The following PDHB variants were observed in gnomAD, a reference collection of about 807,000 sequenced individuals.
PDHB encodes pyruvate dehydrogenase E1 component subunit beta, mitochondrial.
A neutral mutation model predicts 42.8 loss-of-function variants in PDHB; 17 were observed. The observed-to-expected ratio is 0.40, with a 90% CI of 0.27 to 0.60. PDHB has a LOEUF of 0.60. Ranked by LOEUF, PDHB falls within the 20% of genes least tolerant of loss-of-function variation. The probability of loss-of-function intolerance (pLI) is 0.46; values close to 1 mark genes in which losing one functional copy is unlikely to be tolerated. For synonymous variants in PDHB, 154 were observed against 148.7 expected, an observed-to-expected ratio of 1.04 and a Z score of -0.26; for missense variants, 322 against 451.3, an observed-to-expected ratio of 0.71 and a Z score of 2.60.
rs143765288 is a variant in PDHB, at chr3:58,430,739, G to A, written c.507C>T (p.Cys169=). The change falls in exon 6 of 10, where the codon TGC becomes TGT. Residue 169 remains cysteine (C), a synonymous_variant. Coordinates refer to ENST00000302746, the MANE Select transcript of PDHB (RefSeq NM_000925.4). ...SQCFAAWYGH[C]PGLKVVSPWN... is the part of the protein sequence containing the mutation. ...AGGGACTGACCACCTTTAAGCCTGG[G>A]CAGTGCCCATACCAGGCAGCAAAGC... 5.2e-5 allele frequency: 84 copies of A among 1,613,290 alleles called. No individual in the cohort carries two copies. The highest frequency in any genetic ancestry group is 6.9e-5 in the Non-Finnish European group (81 of 1,179,230).
Position 58,428,440 on chromosome 3 carries a change from G to A in PDHB, c.934+33C>T, listed in dbSNP as rs995028379. The A allele has an allele frequency of 2.5e-6, 4 of 1,608,540 alleles. No individual in the cohort carries two copies. The African/African-American group carries it at 4.0e-5, about 16-fold the overall frequency. ...AGGTACATGATGTTTACTATAGCTT[G>A]ACTGTATTCTAGAACCAGTTTCTTT... On this transcript the variant is annotated intron_variant, in intron 9 of 9. Coordinates refer to ENST00000302746, the MANE Select transcript of PDHB (RefSeq NM_000925.4).
chr3:58,429,815 TCACA>T lies in PDHB; in HGVS notation c.701-20_701-17del. The T allele has an allele frequency of 2.0e-6, 3 of 1,486,308 alleles. No homozygotes were observed. The highest frequency in any genetic ancestry group is 2.8e-6 in the Non-Finnish European group (3 of 1,063,388). The allele number at this position is 1,486,308 out of a possible 1,614,324, so 92.1% of individuals were successfully genotyped here. A position where few individuals can be genotyped will look rare whatever the true frequency, so the allele number is the denominator to read the frequency against. On this transcript the variant is annotated splice_polypyrimidine_tract_variant and intron_variant, in intron 7 of 9. Coordinates refer to ENST00000302746, the MANE Select transcript of PDHB (RefSeq NM_000925.4). Reference sequence around the variant, plus strand: ...ATATGTGTTCCTGAAAACAGAGTGGTCACAGATCAGAGATCAGGTTGAAACTGAA... The same window carrying T: ...ATATGTGTTCCTGAAAACAGAGTGGTGATCAGAGATCAGGTTGAAACTGAA...
chr3:58,430,537 T>C (rs2062910765), intron 6 of PDHB, 120 bp downstream of exon 6: 5 of 846,890 alleles, frequency 5.9e-6, no homozygotes, highest in South Asian at 5.9e-5. Flanking sequence ...CTATATAAAG[T>C]ATTAACATTC....
chr3:58,428,923 C>A (rs1306081541), intron 8 of PDHB: 1 of 330,580 alleles, frequency 3.0e-6, no homozygotes, highest in Non-Finnish European at 5.7e-6. Context: ...GGCGTGATCT[C>A]GGCTCACTGC....
In PDHB at chr3:58,431,416, G is replaced by T; in HGVS notation, c.303+177C>A. 1.6e-6 allele frequency: 1 copy of T among 628,098 alleles called. No homozygotes were observed. The allele number at this position is 628,098 out of a possible 1,614,324, so 38.9% of individuals were successfully genotyped here. A position where few individuals can be genotyped will look rare whatever the true frequency, so the allele number is the denominator to read the frequency against. Reference sequence around the variant, plus strand: ...ACACAAAAATTGGCTAGGCACAGTGGCGCGACCTGTAACCCCAGCCACTAT... The same window carrying T: ...ACACAAAAATTGGCTAGGCACAGTGTCGCGACCTGTAACCCCAGCCACTAT... On this transcript the variant is annotated intron_variant, in intron 5 of 9. Transcript: ENST00000302746. The surrounding 1 kb of genome is among the most constrained non-coding windows in gnomAD (Gnocchi z 4.4).
intron 2 of PDHB, chr3:58,432,369 T>TG (rs1405936585): frequency 9.2e-6 from 3 of 324,538 alleles, no homozygotes; most frequent in African/African-American, 6.5e-5. Flanking sequence ...AGCATATACT[T>TG]GCACATCAAT....
chr3:58,429,707 C>T lies in PDHB; in HGVS notation c.792+1G>A. 6.3e-7 allele frequency: 1 copy of T among 1,583,026 alleles called. No homozygotes were observed. Among genetic ancestry groups the T allele is most frequent in the Non-Finnish European group, 8.7e-7 (1 of 1,151,664 alleles). On this transcript the variant is annotated splice_donor_variant, in intron 8 of 9. Coordinates refer to ENST00000302746, the MANE Select transcript of PDHB (RefSeq NM_000925.4). LOFTEE classifies it high-confidence loss of function. ...TTAAGAACAAGTAAATGTCCACTCA[C>T]CTCACATTCAACTCCTTCTTTAGAT...
rs777477549 is a variant in PDHB at position 58,428,185 on chromosome 3, A to AGAAG, written c.935-10_935-7dup. ...CAGGAAATTGAACGCAGGACCTAGG[A>AGAAG]GAAGGAAGGCTCAACTGAGAGAGTG... On this transcript the variant is annotated splice_region_variant and splice_polypyrimidine_tract_variant and intron_variant, in intron 9 of 9. Transcript: ENST00000302746. 5 of 1,613,924 alleles carry AGAAG rather than the reference A, an allele frequency of 3.1e-6. No homozygotes were observed. The South Asian group carries it at 5.5e-5, about 18-fold the overall frequency.
intron 7 of PDHB, 83 bp downstream of exon 7, chr3:58,430,045 A>G: frequency 1.2e-6 from 1 of 858,936 alleles, no homozygotes; most frequent in Non-Finnish European, 2.0e-6. Context: ...AGTCAAAGTA[A>G]ATGACAGTAA....
At chr3:58,430,293 A>C in intron 6 of PDHB, 55 bp from the exon 7 acceptor site, 2 of 1,143,106 alleles carry the variant, frequency 1.7e-6, no homozygotes, top group Non-Finnish European at 2.6e-6. Context: ...GAATGACTAA[A>C]ACTGCATAGA....
chr3:58,433,264 T>C (rs753532543), intron 2 of PDHB: 2 of 351,892 alleles, frequency 5.7e-6, no homozygotes, highest in Admixed American at 9.1e-5. Flanking sequence ...GTTCTGGAAA[T>C]GGATGGTGGT....
At chr3:58,430,408 G>A (rs1425281626) in intron 6 of PDHB, among the ~76,000 whole-genome samples, 170 bp from the exon 7 acceptor site, 1 of 152,156 alleles carries the variant, frequency 6.6e-6, no homozygotes, top group Non-Finnish European at 1.5e-5. Context: ...ATTTGTAGTG[G>A]TCAATATAAT....
At chr3:58,430,103 T>G (rs1263474592) in intron 7 of PDHB, 25 bp downstream of exon 7, 5 of 1,307,110 alleles carry the variant, frequency 3.8e-6, no homozygotes, top group Middle Eastern at 3.6e-4. Flanking sequence ...TTAAAAATAC[T>G]GTTTATATAT....
At chr3:58,428,709 C>A (rs1353171377) in intron 8 of PDHB, 95 bp from the exon 9 acceptor site, 2 of 1,141,532 alleles carry the variant, frequency 1.8e-6, no homozygotes, top group Non-Finnish European at 1.3e-6. Flanking sequence ...TCCTGTTAAT[C>A]TTTGTATCTA....
Position 58,430,792 on chromosome 3 carries a change from C to G in PDHB, c.454G>C (p.Ala152Pro). Residue 152 changes from alanine to proline, a missense_variant, in exon 6 of 10, where the codon GCA becomes CCA. Around this residue, in one of 3 missense-constraint regions of PDHB, gnomAD observed 208 missense variants for 285.0 expected, o/e 0.73. Coordinates refer to ENST00000302746, the MANE Select transcript of PDHB (RefSeq NM_000925.4). Reference sequence around the variant, plus strand: ...TGTGAGTGCTGGGCAGCTACACCTGCTGAGGCACCATTGGGCCCTCTGAAG... The same window carrying G: ...TGTGAGTGCTGGGCAGCTACACCTGGTGAGGCACCATTGGGCCCTCTGAAG... Reference protein sequence around the residue: ...IVFRGPNGASAGVAAQHSQCF... With the variant: ...IVFRGPNGASPGVAAQHSQCF... The G allele has an allele frequency of 1.2e-6, 2 of 1,614,214 alleles. No homozygotes were observed. Among genetic ancestry groups the G allele is most frequent in the Non-Finnish European group, 1.7e-6 (2 of 1,180,024 alleles).
At position 58,431,184 on chromosome 3, in the gene PDHB, G is replaced by A; in HGVS notation, c.304-242C>T. ...GCATCCCGAGTAGCTGGGACTGCAG[G>A]CAAGCACCACCACATCTACCTACTT... On this transcript the variant is annotated intron_variant, in intron 5 of 9. Coordinates refer to ENST00000302746, the MANE Select transcript of PDHB (RefSeq NM_000925.4). This position sits in a 1 kb window ranked among gnomAD's most constrained non-coding sequence, Gnocchi z 4.4. 1 of 561,018 alleles carries A rather than the reference G, an allele frequency of 1.8e-6. No individual in the cohort carries two copies. Among genetic ancestry groups the A allele is most frequent in the Non-Finnish European group, 3.2e-6 (1 of 315,760 alleles). The allele number at this position is 561,018 out of a possible 1,614,324, so 34.8% of individuals were successfully genotyped here.
At chr3:58,433,482 G>GC in intron 2 of PDHB, 149 bp downstream of exon 2, 1 of 827,820 alleles carries the variant, frequency 1.2e-6, no homozygotes, top group Middle Eastern at 3.4e-4. Flanking sequence ...CGGCGACAGA[G>GC]GCAGCAGGAG....
At chr3:58,428,768 T>G in intron 8 of PDHB, 154 bp from the exon 9 acceptor site, 1 of 667,818 alleles carries the variant, frequency 1.5e-6, no homozygotes, top group Non-Finnish European at 2.6e-6. Context: ...GTACAAACTG[T>G]AAAAGGAAAA....
chr3:58,429,802 G>T lies in PDHB; in HGVS notation c.701-3C>A. ...GGAAACCACAGTTATATGTGTTCCT[G>T]AAAACAGAGTGGTCACAGATCAGAG... On this transcript the variant is annotated splice_region_variant and splice_polypyrimidine_tract_variant and intron_variant, in intron 7 of 9. Transcript: ENST00000302746. 1 of 1,572,800 alleles carries T rather than the reference G, an allele frequency of 6.4e-7. No individual in the cohort carries two copies. Among genetic ancestry groups the T allele is most frequent in the Non-Finnish European group, 8.8e-7 (1 of 1,142,298 alleles).
Sources: gnomAD v4.1 joint callset for allele counts (sites outside exome capture counted in the v4.1 genomes callset) on GRCh38, gnomAD v4.1.1 for gene constraint, gnomAD v4.1.1 regional missense constraint, Gnocchi (gnomAD v3.1) non-coding constraint, MANE v1.5 for transcripts, NCBI Gene and HGNC (gene_info 2026-07-23, HGNC 2026-07-21) for gene names.